Variants in WASF3 observed in about 807,000 individuals in gnomAD.
WASF3 encodes WASP family member 3.
A neutral mutation model predicts 46.6 loss-of-function variants in WASF3; 11 were observed. That is an observed-to-expected ratio of 0.24 (90% CI 0.15 to 0.39). The LOEUF (loss-of-function observed/expected upper bound fraction) is 0.39. Among genes scored for constraint, WASF3 ranks in the 10% least tolerant of loss-of-function variants. The pLI, the probability that WASF3 is intolerant of heterozygous loss-of-function variation, is 1.00. For missense variants in WASF3, 576 were observed against 669.8 expected, an observed-to-expected ratio of 0.86 and a Z score of 1.55; for synonymous variants, 242 against 259.7, an observed-to-expected ratio of 0.93 and a Z score of 0.65.
At chr13:26,634,649 G>A (rs925155344) in intron 2 of WASF3, among the ~76,000 whole-genome samples, 16 of 152,074 alleles carry the variant, frequency 1.1e-4, no homozygotes, top group African/African-American at 2.4e-4. Flanking sequence ...CATGTTTAGC[G>A]CTTCTTTCAG....
the WASF3 span, among the ~76,000 whole-genome samples, chr13:26,540,867 A>G: frequency 1.3e-5 from 2 of 152,208 alleles, no homozygotes; most frequent in Non-Finnish European, 2.9e-5. Flanking sequence ...GTTGGTTGAC[A>G]TAGTAAGATG....
intron 3 of WASF3, among the ~76,000 whole-genome samples, chr13:26,647,062 ACTTC>A (rs1882172427): frequency 2.6e-5 from 4 of 152,192 alleles, no homozygotes; most frequent in Admixed American, 1.3e-4. Flanking sequence ...CAGACACTTC[ACTTC>A]AAGGGCCAGA....
chr13:26,578,694 C>T (rs1178653935), intron 1 of WASF3, among the ~76,000 whole-genome samples: 3 of 152,096 alleles, frequency 2.0e-5, no homozygotes, highest in African/African-American at 7.2e-5. Flanking sequence ...GTCTCAGGAC[C>T]TCCTGTCTGT....
chr13:26,667,588 A>G lies in WASF3; in HGVS notation c.340A>G (p.Lys114Glu), dbSNP rs1882810287. Reference sequence around the variant, plus strand: ...AGTCCAAGACCAGCAAGTGGTTTCAAAGAACAGCATTCCTAATCCTGTTGC... The same window carrying G: ...AGTCCAAGACCAGCAAGTGGTTTCAGAGAACAGCATTCCTAATCCTGTTGC... ...STVQDQQVVS[K>E]NSIPNPVADI... is the part of the protein sequence containing the mutation. The change falls in exon 5 of 10, where the codon AAG becomes GAG. Residue 114 changes from lysine to glutamate, a missense_variant. By Grantham distance (56) the Lys-to-Glu change is moderately conservative. Around this residue, in one of 3 missense-constraint regions of WASF3, gnomAD observed 213 missense variants for 278.0 expected, o/e 0.77. Transcript: ENST00000335327. 12 of 1,614,190 alleles carry G rather than the reference A, an allele frequency of 7.4e-6. No homozygotes were observed. The highest frequency in any genetic ancestry group is 1.0e-5 in the Non-Finnish European group (12 of 1,180,026).
intron 1 of WASF3, among the ~76,000 whole-genome samples, chr13:26,559,804 CTTTCTTTTTTTTTTT>C (rs1381864827): frequency 3.9e-5 from 2 of 50,664 alleles, no homozygotes; most frequent in Non-Finnish European, 7.6e-5. Flanking sequence ...TTCTTTCTTT[CTTTCTTTTTTTTTTT>C]TTTTTTTTTT....
chr13:26,619,140 A>G (rs935526886), intron 2 of WASF3: 1 of 152,198 alleles, frequency 6.6e-6, no homozygotes, highest in African/African-American at 2.4e-5. Flanking sequence ...AAATTATATA[A>G]TTTTTGAAAG....
chr13:26,589,592 T>C (rs1180717313), intron 1 of WASF3, among the ~76,000 whole-genome samples: 5 of 152,130 alleles, frequency 3.3e-5, no homozygotes, highest in African/African-American at 1.2e-4. Flanking sequence ...AAGAATAAAA[T>C]TGGTACCATG....
At chr13:26,617,417 C>T (rs1005492520) in intron 2 of WASF3, among the ~76,000 whole-genome samples, 1 of 152,038 alleles carries the variant, frequency 6.6e-6, no homozygotes, top group Non-Finnish European at 1.5e-5. Flanking sequence ...ATTTTTATCA[C>T]TCCTAGTTAT....
chr13:26,660,982 G>A (rs1211722716), intron 3 of WASF3, among the ~76,000 whole-genome samples: 3 of 152,160 alleles, frequency 2.0e-5, no homozygotes, highest in Non-Finnish European at 4.4e-5. Flanking sequence ...AGTGGGAGGT[G>A]CCGCCAGGCT....
chr13:26,590,899 A>G (rs2137183165), intron 1 of WASF3, among the ~76,000 whole-genome samples: 1 of 152,336 alleles, frequency 6.6e-6, no homozygotes, highest in Non-Finnish European at 1.5e-5. Flanking sequence ...AGAAGATAAT[A>G]GATGGTAATG....
chr13:26,559,976 C>T lies in WASF3; in HGVS notation c.-109+2157C>T, dbSNP rs374772321. Among the ~76,000 whole-genome samples the T allele has an allele frequency of 4.6e-5, 7 of 151,658 alleles. No homozygotes were observed. The East Asian group carries it at 1.2e-3, about 25-fold the overall frequency. On this transcript the variant is annotated intron_variant, in intron 1 of 9. Coordinates refer to ENST00000335327, the MANE Select transcript of WASF3 (RefSeq NM_006646.6). Reference sequence around the variant, plus strand: ...GGGAGTACAGGCGCCCGCCACCATGCCCGGCTAATTTTTGTACTTTTAGTA... The same window carrying T: ...GGGAGTACAGGCGCCCGCCACCATGTCCGGCTAATTTTTGTACTTTTAGTA...
chr13:26,603,724 T>C (rs1313909040), intron 1 of WASF3, among the ~76,000 whole-genome samples: 2 of 152,182 alleles, frequency 1.3e-5, no homozygotes, highest in Non-Finnish European at 2.9e-5. Flanking sequence ...TTATTTATGA[T>C]GGCCTGTGAA....
rs752981672 is a variant in WASF3 at position 26,688,916 on chromosome 13, CT to C, written c.*3075del. 5.9e-5 allele frequency: 9 copies of C among 152,130 alleles called. No homozygotes were observed. Among genetic ancestry groups the C allele is most frequent in the Non-Finnish European group, 8.8e-5 (6 of 68,034 alleles). The allele number at this position is 152,130 out of a possible 1,614,324, so 9.4% of individuals were successfully genotyped here. On this transcript the variant is annotated 3_prime_UTR_variant, in exon 10 of 10. Transcript: ENST00000335327. Reference sequence around the variant, plus strand: ...CAAGTAACATCTAAATAAAATTACACTTTTAACCCTAAGAGGTTTTGCTTAT... The same window carrying C: ...CAAGTAACATCTAAATAAAATTACACTTTAACCCTAAGAGGTTTTGCTTAT...
chr13:26,582,676 CAA>C (rs398022033), intron 1 of WASF3, among the ~76,000 whole-genome samples: 3 of 53,398 alleles, frequency 5.6e-5, no homozygotes, highest in Admixed American at 6.3e-4. Flanking sequence ...GACTCCGTCT[CAA>C]AAAAAAAAAA....
chr13:26,541,017 G>T, the WASF3 span, among the ~76,000 whole-genome samples: 1 of 152,172 alleles, frequency 6.6e-6, no homozygotes, highest in Non-Finnish European at 1.5e-5. Flanking sequence ...CTGGGGTCTG[G>T]AATTATGGAA....
chr13:26,654,231 C>T (rs901101637), intron 3 of WASF3, among the ~76,000 whole-genome samples: 1 of 152,198 alleles, frequency 6.6e-6, no homozygotes, highest in African/African-American at 2.4e-5. Flanking sequence ...CCTTTAGCCA[C>T]ACTGGCTTCC....
At chr13:26,657,497 C>G (rs1162841142) in intron 3 of WASF3, among the ~76,000 whole-genome samples, 1 of 152,174 alleles carries the variant, frequency 6.6e-6, no homozygotes, top group Non-Finnish European at 1.5e-5. Context: ...AGTATAACAA[C>G]TCTTGAGAAG....
chr13:26,601,280 T>A (rs1017049433), intron 1 of WASF3, among the ~76,000 whole-genome samples: 1 of 152,232 alleles, frequency 6.6e-6, no homozygotes, highest in African/African-American at 2.4e-5. Flanking sequence ...TAGATGTAAC[T>A]TACTGGAGTG....
intron 1 of WASF3, among the ~76,000 whole-genome samples, chr13:26,609,774 G>C (rs1227652388): frequency 6.6e-6 from 1 of 152,118 alleles, no homozygotes; most frequent in African/African-American, 2.4e-5. Context: ...TACCCAGTCT[G>C]TTCCTCTAGT....
Sources: gnomAD v4.1 joint callset for allele counts (sites outside exome capture counted in the v4.1 genomes callset) on GRCh38, gnomAD v4.1.1 for gene constraint, gnomAD v4.1.1 regional missense constraint, MANE v1.5 for transcripts, NCBI Gene and HGNC (gene_info 2026-07-23, HGNC 2026-07-21) for gene names.